The following CTNNA3 variants were observed in gnomAD, a reference collection of about 807,000 sequenced individuals.
CTNNA3 encodes the protein catenin alpha 3, also known as catenin alpha-3.
In CTNNA3, 76 loss-of-function variants were observed where a neutral mutation model predicts 95.7. The observed-to-expected ratio is 0.79, with a 90% CI of 0.66 to 0.96. The LOEUF is 0.96. Ranked by LOEUF, CTNNA3 falls within the 40% of genes least tolerant of loss-of-function variation. CTNNA3 has a pLI of 0.00. For missense variants in CTNNA3, 1,191 were observed against 1,089.8 expected, an observed-to-expected ratio of 1.09 and a Z score of -1.31; for synonymous variants, 431 against 374.4, an observed-to-expected ratio of 1.15 and a Z score of -1.74.
At chr10:66,670,325 T>C (rs1336133616) in intron 9 of CTNNA3, among the ~76,000 whole-genome samples, 1 of 152,192 alleles carries the variant, frequency 6.6e-6, no homozygotes, top group Non-Finnish European at 1.5e-5. Flanking sequence ...TGGGCTCTTA[T>C]TTGAAGGTCT....
In CTNNA3 at chr10:67,489,699, A is replaced by C. The variant is rs1365860114; in HGVS notation, c.579+32143T>G. Among the ~76,000 whole-genome samples, 3 of 152,050 alleles carry C rather than the reference A, an allele frequency of 2.0e-5. No individual in the cohort carries two copies. In the East Asian group the frequency reaches 5.8e-4, roughly 29 times the overall value. On this transcript the variant is annotated intron_variant, in intron 5 of 17. Transcript: ENST00000433211. ...AGGCATTCACTGAGGCAGGAAATAG[A>C]GTGGAAAGAAAGGGTAGAAATGGAG...
chr10:66,873,456 T>C (rs1844493063), intron 7 of CTNNA3, among the ~76,000 whole-genome samples: 1 of 152,150 alleles, frequency 6.6e-6, no homozygotes, highest in African/African-American at 2.4e-5. Flanking sequence ...TTTGCATTTC[T>C]CTGATGTTTA....
intron 15 of CTNNA3, among the ~76,000 whole-genome samples, chr10:66,007,219 G>A (rs1372418630): frequency 1.6e-4 from 24 of 152,048 alleles, no homozygotes; most frequent in Admixed American, 1.6e-3. Flanking sequence ...ACGATATTGT[G>A]CAGTGACCCA....
intron 5 of CTNNA3, among the ~76,000 whole-genome samples, chr10:67,417,903 C>T (rs998199902): frequency 2.0e-5 from 3 of 152,140 alleles, no homozygotes; most frequent in African/African-American, 7.2e-5. Context: ...AAAACTTTTA[C>T]ACAATGTTCA....
chr10:67,377,591 T>G (rs936943141), intron 5 of CTNNA3, among the ~76,000 whole-genome samples: 1 of 151,272 alleles, frequency 6.6e-6, no homozygotes, highest in Non-Finnish European at 1.5e-5. Context: ...TCTGAGATGT[T>G]TTTGCTCTAA....
At chr10:66,639,961 C>T (rs1028035946) in intron 9 of CTNNA3, among the ~76,000 whole-genome samples, 42 of 150,250 alleles carry the variant, frequency 2.8e-4, no homozygotes, top group African/African-American at 9.7e-4. Context: ...GAACTGTGCA[C>T]CTCTCTCTCT....
chr10:66,038,556 T>C (rs1157364078), intron 15 of CTNNA3, among the ~76,000 whole-genome samples: 3 of 152,254 alleles, frequency 2.0e-5, no homozygotes, highest in Non-Finnish European at 4.4e-5. Flanking sequence ...TCAGTACTGT[T>C]ACTTGAAAAT....
intron 7 of CTNNA3, among the ~76,000 whole-genome samples, chr10:67,104,012 T>A (rs1319190847): frequency 6.6e-6 from 1 of 151,768 alleles, no homozygotes; most frequent in Non-Finnish European, 1.5e-5. Context: ...AATATTGATG[T>A]CATATTTTTA....
In CTNNA3 at chr10:66,444,218, G is replaced by A. The variant is rs573914656; in HGVS notation, c.1532-64866C>T. On this transcript the variant is annotated intron_variant, in intron 11 of 17. Coordinates refer to ENST00000433211, the MANE Select transcript of CTNNA3 (RefSeq NM_013266.4). ...TCTGATTGGTGTACCTGAAAATGAC[G>A]GGGAGAATAGAACCAAGTTGGAAAA... 1.2e-4 allele frequency among the ~76,000 whole-genome samples: 18 copies of A among 152,224 alleles called. 1 individual carries two copies. Among genetic ancestry groups the A allele is most frequent in the East Asian group, 1.2e-3 (6 of 5,180 alleles).
intron 17 of CTNNA3, among the ~76,000 whole-genome samples, chr10:65,951,051 C>G (rs960703379): frequency 1.3e-5 from 2 of 152,120 alleles, no homozygotes; most frequent in African/African-American, 4.8e-5. Flanking sequence ...ATATATTGTA[C>G]CATTTTGGTA....
At chr10:67,509,560 A>G (rs1839541262) in intron 5 of CTNNA3, among the ~76,000 whole-genome samples, 1 of 152,200 alleles carries the variant, frequency 6.6e-6, no homozygotes, top group South Asian at 2.1e-4. Flanking sequence ...CATGGTGTAT[A>G]TATGCCACAT....
rs564651345 is a variant in CTNNA3, at chr10:66,233,927, T to A, written c.1884+46543A>T. Among the ~76,000 whole-genome samples the A allele has an allele frequency of 2.0e-5, 3 of 152,340 alleles. No homozygotes were observed. In the East Asian group the frequency reaches 5.8e-4, roughly 29 times the overall value. On this transcript the variant is annotated intron_variant, in intron 13 of 17. Coordinates refer to ENST00000433211, the MANE Select transcript of CTNNA3 (RefSeq NM_013266.4). ...TTTTCCAGTAAGGAAAATGGATGAA[T>A]CTTTACTAAACAAAATGTCATAGTT...
intron 11 of CTNNA3, among the ~76,000 whole-genome samples, chr10:66,385,737 T>C (rs1311948427): frequency 6.6e-6 from 1 of 152,126 alleles, no homozygotes; most frequent in Non-Finnish European, 1.5e-5. Flanking sequence ...AAAAAGCTCA[T>C]CCACCATGAT....
intron 7 of CTNNA3, among the ~76,000 whole-genome samples, chr10:66,981,553 A>G (rs184100351): frequency 6.6e-6 from 1 of 152,258 alleles, no homozygotes; most frequent in East Asian, 1.9e-4. Flanking sequence ...GCCAACTTCC[A>G]TAGCACATTT....
chr10:67,147,956 A>G (rs150171609), intron 7 of CTNNA3, among the ~76,000 whole-genome samples: 58 of 152,322 alleles, frequency 3.8e-4, no homozygotes, highest in Non-Finnish European at 6.0e-4. Flanking sequence ...TAACTTCAGA[A>G]TAAAAGCAGA....
intron 5 of CTNNA3, among the ~76,000 whole-genome samples, chr10:67,431,475 C>T (rs901706166): frequency 6.6e-6 from 1 of 151,922 alleles, no homozygotes; most frequent in Non-Finnish European, 1.5e-5. Flanking sequence ...CCTAATTTTA[C>T]AGATGAGCAA....
chr10:66,959,189 G>A (rs1453693925), intron 7 of CTNNA3, among the ~76,000 whole-genome samples: 2 of 152,168 alleles, frequency 1.3e-5, no homozygotes. Flanking sequence ...TAATGCAGCA[G>A]ATTCAACTTT....
At chr10:67,144,311 G>A (rs1172131381) in intron 7 of CTNNA3, among the ~76,000 whole-genome samples, 1 of 152,188 alleles carries the variant, frequency 6.6e-6, no homozygotes, top group African/African-American at 2.4e-5. Flanking sequence ...ATTTTCAGAA[G>A]AGTTAATGAG....
intron 12 of CTNNA3, among the ~76,000 whole-genome samples, chr10:66,374,649 C>CTGT (rs1251150318): frequency 7.9e-6 from 1 of 126,236 alleles, no homozygotes; most frequent in Non-Finnish European, 1.6e-5. Context: ...GAGTCTCGCT[C>CTGT]TGTCACCCCT....
Sources: gnomAD v4.1 joint callset for allele counts (sites outside exome capture counted in the v4.1 genomes callset) on GRCh38, gnomAD v4.1.1 for gene constraint, MANE v1.5 for transcripts, NCBI Gene and HGNC (gene_info 2026-07-23, HGNC 2026-07-21) for gene names.